The following PAPOLG variants were observed in gnomAD, a reference collection of about 807,000 sequenced individuals.
PAPOLG encodes the protein poly(A) polymerase gamma.
In PAPOLG, 40 loss-of-function variants were observed where a neutral mutation model predicts 99.0. That is an observed-to-expected ratio of 0.40 (90% CI 0.31 to 0.53). The LOEUF (loss-of-function observed/expected upper bound fraction) is 0.53. Ranked by LOEUF, PAPOLG falls within the 20% of genes least tolerant of loss-of-function variation. PAPOLG has a pLI of 0.41. For synonymous variants in PAPOLG, 310 were observed against 299.3 expected (o/e 1.04, Z -0.37); for missense variants, 675 against 884.1 (o/e 0.76, Z 3.00).
intron 15 of PAPOLG, among the ~76,000 whole-genome samples, chr2:60,787,836 G>GC (rs1338329550): frequency 6.6e-6 from 1 of 152,218 alleles, no homozygotes; most frequent in Admixed American, 6.5e-5. Context: ...CAGATTACCT[G>GC]AGGTCAGGAA....
chr2:60,782,825 A>T (rs1198791246), intron 12 of PAPOLG, 55 bp downstream of exon 12: 1 of 1,503,712 alleles, frequency 6.7e-7, no homozygotes, highest in African/African-American at 1.5e-5. Context: ...TTAAAGAAGA[A>T]TGTTAAACAT....
intron 9 of PAPOLG, 30 bp downstream of exon 9, chr2:60,779,805 TTACTAATCTCTACCTATGCGTAAGTTTG>T (rs747011072): frequency 6.4e-7 from 1 of 1,573,362 alleles, no homozygotes; most frequent in Non-Finnish European, 8.7e-7. Context: ...CTTTGACTGT[TTACTAATCTCTACCTATGCGTAAGTTTG>T]TTTGGAAATT....
chr2:60,787,394 T>C (rs1483134281), intron 14 of PAPOLG, 117 bp from the exon 15 acceptor site: 2 of 1,305,266 alleles, frequency 1.5e-6, no homozygotes, highest in Non-Finnish European at 2.1e-6. Context: ...GCCAGACCAC[T>C]GAAATCTGTA....
At chr2:60,782,142 TG>T in intron 11 of PAPOLG, 137 bp downstream of exon 11, 6 of 949,772 alleles carry the variant, frequency 6.3e-6, no homozygotes, top group Non-Finnish European at 1.5e-6. Context: ...ATGGTTATTT[TG>T]TTTTTTAGTA....
chr2:60,786,824 C>G, intron 13 of PAPOLG, 123 bp from the exon 14 acceptor site: 1 of 1,211,008 alleles, frequency 8.3e-7, no homozygotes, highest in Non-Finnish European at 1.1e-6. Flanking sequence ...GCCACCATGC[C>G]CAGCCCGAAG....
intron 9 of PAPOLG, 40 bp from the exon 10 acceptor site, chr2:60,780,667 G>A (rs1038154719): frequency 1.9e-6 from 3 of 1,595,792 alleles, no homozygotes; most frequent in Non-Finnish European, 2.6e-6. Flanking sequence ...AGTACCTGAA[G>A]TGAGATCATG....
chr2:60,780,663 T>G, intron 9 of PAPOLG, 44 bp from the exon 10 acceptor site: 1 of 1,585,470 alleles, frequency 6.3e-7, no homozygotes, highest in Non-Finnish European at 8.7e-7. Flanking sequence ...ATGTAGTACC[T>G]GAAGTGAGAT....
chr2:60,767,883 T>C (rs1479544635), intron 3 of PAPOLG, among the ~76,000 whole-genome samples: 1 of 152,140 alleles, frequency 6.6e-6, no homozygotes, highest in Admixed American at 6.5e-5. Context: ...AGGGGACAAG[T>C]ATGGTCAAGT....
intron 1 of PAPOLG, among the ~76,000 whole-genome samples, chr2:60,758,965 C>T (rs1453412880): frequency 6.6e-6 from 1 of 152,064 alleles, no homozygotes; most frequent in African/African-American, 2.4e-5. Context: ...TAGTGTTGGT[C>T]GTTTAGTGTG....
At chr2:60,794,472 T>A (rs1158847263) in intron 19 of PAPOLG, 1 of 564,576 alleles carries the variant, frequency 1.8e-6, no homozygotes, top group Non-Finnish European at 3.1e-6. Flanking sequence ...TTCCAGTAGG[T>A]GGTGGTAAAA....
intron 15 of PAPOLG, among the ~76,000 whole-genome samples, chr2:60,788,446 C>T (rs995185835): frequency 1.1e-4 from 17 of 152,086 alleles, no homozygotes; most frequent in East Asian, 5.8e-4. Context: ...CCCAGCCTCC[C>T]GAGTAGCTGG....
chr2:60,787,752 C>A, intron 15 of PAPOLG, 132 bp downstream of exon 15: 1 of 1,227,626 alleles, frequency 8.1e-7, no homozygotes, highest in Non-Finnish European at 1.1e-6. Context: ...ATCCGTATTG[C>A]TGTTAAAACA....
At position 60,794,709 on chromosome 2, in the gene PAPOLG, G is replaced by C. The variant is rs553018597; in HGVS notation, c.1990-1G>C. On this transcript the variant is annotated splice_acceptor_variant, in intron 19 of 21. Transcript: ENST00000238714. LOFTEE classifies it high-confidence loss of function. ...AATCTATTTCAATGTTTATATTTTA[G>C]TTTATTCGACTTGAATCAACATTTA... 4.3e-6 allele frequency: 7 copies of C among 1,609,538 alleles called. No homozygotes were observed. In the African/African-American group the frequency reaches 8.0e-5, roughly 18 times the overall value.
At chr2:60,787,697 G>A (rs1573249913) in intron 15 of PAPOLG, 77 bp downstream of exon 15, 2 of 1,527,478 alleles carry the variant, frequency 1.3e-6, no homozygotes, top group Non-Finnish European at 1.8e-6. Flanking sequence ...AATCTGGCTG[G>A]CTGTACTTAT....
At position 60,781,953 on chromosome 2, in the gene PAPOLG, G is replaced by T. The variant is rs183405838; in HGVS notation, c.975G>T (p.Thr325=). ...CTGCCTACCCACAACAGAATTCTACGTATAATGTGTCCACATCAACTCGAA... is the reference window on the plus strand; with the variant it reads ...CTGCCTACCCACAACAGAATTCTACTTATAATGTGTCCACATCAACTCGAA... ...ITPAYPQQNS[T]YNVSTSTRTV... Residue 325 remains threonine, a synonymous_variant, in exon 11 of 22, where the codon ACG becomes ACT. Coordinates refer to ENST00000238714, the MANE Select transcript of PAPOLG (RefSeq NM_022894.4). The T allele has an allele frequency of 3.1e-6, 5 of 1,613,800 alleles. No individual in the cohort carries two copies. The highest frequency in any genetic ancestry group is 4.2e-6 in the Non-Finnish European group (5 of 1,179,792).
At chr2:60,758,419 G>T (rs1573212988) in intron 1 of PAPOLG, among the ~76,000 whole-genome samples, 1 of 111,776 alleles carries the variant, frequency 8.9e-6, no homozygotes, top group Non-Finnish European at 1.8e-5. Flanking sequence ...TCTGCCTAAT[G>T]AGATTTTTTT....
chr2:60,788,793 T>G (rs931244695), intron 15 of PAPOLG, among the ~76,000 whole-genome samples: 2 of 151,900 alleles, frequency 1.3e-5, no homozygotes, highest in Admixed American at 6.6e-5. Flanking sequence ...CTCAGGAGTT[T>G]GAGACCAGCC....
rs934296456 is a variant in PAPOLG at position 60,774,884 on chromosome 2, A to T, written c.605-150A>T. The T allele has an allele frequency of 3.0e-6, 4 of 1,355,604 alleles. No homozygotes were observed. The African/African-American group carries it at 4.4e-5, about 15-fold the overall frequency. 84.0% of individuals were successfully genotyped at this position (1,355,604 alleles called of 1,614,324 possible). ...TTACCCTAAAGCAAACTGATTTCTC[A>T]TAAGTGGTAAATTTCATACACATAA... On this transcript the variant is annotated intron_variant, in intron 7 of 21. Coordinates refer to ENST00000238714, the MANE Select transcript of PAPOLG (RefSeq NM_022894.4).
chr2:60,782,414 G>A (rs13417624), intron 11 of PAPOLG, among the ~76,000 whole-genome samples: 35,877 of 151,760 alleles, frequency 0.24, 4,882 homozygotes, highest in African/African-American at 0.36. Flanking sequence ...AAAATTAGCC[G>A]GAAGTGGTGG....
Sources: gnomAD v4.1 joint callset for allele counts (sites outside exome capture counted in the v4.1 genomes callset) on GRCh38, gnomAD v4.1.1 for gene constraint, MANE v1.5 for transcripts, NCBI Gene and HGNC (gene_info 2026-07-23, HGNC 2026-07-21) for gene names.